The following MAPT variants were observed in gnomAD, a reference collection of about 807,000 sequenced individuals.
The protein encoded by MAPT is microtubule associated protein tau.
MAPT carries 34 observed loss-of-function variants against 67.9 expected under a neutral mutation model. The observed-to-expected ratio is 0.50, with a 90% CI of 0.38 to 0.67. MAPT has a LOEUF of 0.67. MAPT is among the 30% of genes least tolerant of loss of function. The probability of loss-of-function intolerance (pLI) is 0.00; values close to 1 mark genes in which losing one functional copy is unlikely to be tolerated. For synonymous variants in MAPT, 456 were observed against 464.5 expected (o/e 0.98, Z 0.23); for missense variants, 881 against 1,115.2 (o/e 0.79, Z 2.99).
At chr17:45,985,542 C>A in intron 5 of MAPT, 1 of 281,112 alleles carries the variant, frequency 3.6e-6, no homozygotes, top group Non-Finnish European at 5.4e-6. Context: ...GTTAAACAGG[C>A]TTTTCTGCTG....
At chr17:45,994,008 C>T (rs747160254) in intron 8 of MAPT, 2 of 1,547,054 alleles carry the variant, frequency 1.3e-6, no homozygotes, top group Non-Finnish European at 1.7e-6. Flanking sequence ...CTGGGAGCAG[C>T]CTCCCTTTGC....
At chr17:45,975,040 A>G (rs1479707800) in intron 3 of MAPT, 1 of 153,638 alleles carries the variant, frequency 6.5e-6, no homozygotes, top group African/African-American at 2.4e-5. Flanking sequence ...CCTTGTCAAC[A>G]TGGGTGATGG....
intron 6 of MAPT, among the ~76,000 whole-genome samples, chr17:45,988,436 A>C (rs2073780572): frequency 6.6e-6 from 1 of 152,100 alleles, no homozygotes; most frequent in South Asian, 2.1e-4. Flanking sequence ...CCCACCCGTC[A>C]AAATCCCCCA....
At position 45,995,652 on chromosome 17, in the gene MAPT, G is replaced by T. The variant is rs767799102; in HGVS notation, c.1733-747G>T. Among the ~76,000 whole-genome samples the T allele has an allele frequency of 6.6e-6, 1 of 152,160 alleles. No homozygotes were observed. Among genetic ancestry groups the T allele is most frequent in the African/African-American group, 2.4e-5 (1 of 41,444 alleles). On this transcript the variant is annotated intron_variant, in intron 8 of 12. Coordinates refer to ENST00000262410, the MANE Select transcript of MAPT (RefSeq NM_001377265.1). The surrounding 1 kb of genome is among the most constrained non-coding windows in gnomAD (Gnocchi z 4.3). ...CCAGCAGCTTCCAGGGTGTTGGAAG[G>T]GTGCGCTAGTAACTGCTATGCATGG...
At chr17:45,902,769 C>T (rs1004427858) in intron 1 of MAPT, among the ~76,000 whole-genome samples, 1 of 152,182 alleles carries the variant, frequency 6.6e-6, no homozygotes, top group Non-Finnish European at 1.5e-5. Context: ...AGTCTTAGAT[C>T]AATGTCCAAC....
intron 5 of MAPT, among the ~76,000 whole-genome samples, chr17:45,986,420 GA>G (rs1383996513): frequency 6.6e-6 from 1 of 152,224 alleles, no homozygotes; most frequent in Non-Finnish European, 1.5e-5. Flanking sequence ...CAGGAAGGTG[GA>G]AATCAGGACT....
At position 45,991,692 on chromosome 17, in the gene MAPT, C is replaced by T. The variant is rs553328066; in HGVS notation, c.1732+106C>T. The T allele has an allele frequency of 4.0e-6, 6 of 1,512,722 alleles. No homozygotes were observed. The South Asian group carries it at 6.8e-5, about 17-fold the overall frequency. The allele number at this position is 1,512,722 out of a possible 1,614,324, so 93.7% of individuals were successfully genotyped here. On this transcript the variant is annotated intron_variant, in intron 8 of 12. Coordinates refer to ENST00000262410, the MANE Select transcript of MAPT (RefSeq NM_001377265.1). Reference sequence around the variant, plus strand: ...ACTGAGAATGAATAACCCCTGGCAGCTGGTCAGCAGCTTGCAGTTTACTAA... The same window carrying T: ...ACTGAGAATGAATAACCCCTGGCAGTTGGTCAGCAGCTTGCAGTTTACTAA...
intron 1 of MAPT, among the ~76,000 whole-genome samples, chr17:45,954,045 A>G (rs1052426262): frequency 2.0e-5 from 3 of 152,212 alleles, no homozygotes; most frequent in Non-Finnish European, 2.9e-5. Flanking sequence ...GGAGAAGCCT[A>G]AAGAAGGAGT....
At chr17:45,958,857 G>C (rs1015833703) in intron 1 of MAPT, among the ~76,000 whole-genome samples, 1 of 152,156 alleles carries the variant, frequency 6.6e-6, no homozygotes, top group South Asian at 2.1e-4. Flanking sequence ...GAGATCAGGA[G>C]TTCTAGACCA....
intron 1 of MAPT, among the ~76,000 whole-genome samples, chr17:45,914,852 C>T (rs1467306117): frequency 6.6e-6 from 1 of 151,732 alleles, no homozygotes; most frequent in African/African-American, 2.4e-5. Flanking sequence ...TCCTGAGTAG[C>T]TGGGACTATA....
chr17:45,960,941 T>C (rs2070338640), intron 1 of MAPT, among the ~76,000 whole-genome samples: 1 of 152,240 alleles, frequency 6.6e-6, no homozygotes, highest in Non-Finnish European at 1.5e-5. Context: ...TTTTTACTTT[T>C]ACTTTCACAC....
Position 45,894,573 on chromosome 17 carries a change from A to G in MAPT, c.-131A>G. ...GCCCTCGCAGTCACCGCCACCCACC[A>G]GCTCCGGCACCAACAGCAGCGCCGC... On this transcript the variant is annotated 5_prime_UTR_variant, in exon 1 of 13. Coordinates refer to ENST00000262410, the MANE Select transcript of MAPT (RefSeq NM_001377265.1). The G allele has an allele frequency of 6.5e-6, 1 of 153,660 alleles. No individual in the cohort carries two copies. The highest frequency in any genetic ancestry group is 1.4e-5 in the Non-Finnish European group (1 of 69,154). 9.5% of individuals were successfully genotyped at this position (153,660 alleles called of 1,614,324 possible).
At chr17:45,899,249 G>A (rs920727998) in intron 1 of MAPT, among the ~76,000 whole-genome samples, 6 of 152,126 alleles carry the variant, frequency 3.9e-5, no homozygotes, top group Non-Finnish European at 7.3e-5. Flanking sequence ...GTGGGTAGAG[G>A]CCAGGAATGC....
chr17:45,956,822 C>T (rs2069780806), intron 1 of MAPT, among the ~76,000 whole-genome samples: 1 of 151,156 alleles, frequency 6.6e-6, no homozygotes, highest in Non-Finnish European at 1.5e-5. Flanking sequence ...GTTCAATTCC[C>T]ACCTACGAGT....
chr17:45,998,471 T>C (rs1078269), intron 9 of MAPT, among the ~76,000 whole-genome samples: 22,060 of 152,084 alleles, frequency 0.15, 2,138 homozygotes, highest in Non-Finnish European at 0.22. Flanking sequence ...AGACAGTGGC[T>C]CCCCTGTGGC....
At chr17:45,968,584 A>G (rs905876863) in intron 2 of MAPT, among the ~76,000 whole-genome samples, 3 of 152,216 alleles carry the variant, frequency 2.0e-5, no homozygotes, top group African/African-American at 7.2e-5. Flanking sequence ...TTGACGGGGT[A>G]TGTGACTACA....
At chr17:45,959,048 G>A (rs1261272595) in intron 1 of MAPT, among the ~76,000 whole-genome samples, 1 of 152,140 alleles carries the variant, frequency 6.6e-6, no homozygotes, top group East Asian at 1.9e-4. Context: ...GGGCTACAGA[G>A]CGAGACTCTG....
intron 1 of MAPT, among the ~76,000 whole-genome samples, 176 bp from the exon 2 acceptor site, chr17:45,962,145 C>T (rs569986892): frequency 2.0e-5 from 3 of 152,102 alleles, no homozygotes; most frequent in African/African-American, 4.8e-5. Flanking sequence ...ATGTAAATAA[C>T]GCTTGGGCAG....
intron 1 of MAPT, among the ~76,000 whole-genome samples, chr17:45,944,916 C>T (rs1416942900): frequency 6.6e-6 from 1 of 152,168 alleles, no homozygotes; most frequent in Non-Finnish European, 1.5e-5. Flanking sequence ...AACAGACTTC[C>T]CACTGTAAAG....
Sources: gnomAD v4.1 joint callset for allele counts (sites outside exome capture counted in the v4.1 genomes callset) on GRCh38, gnomAD v4.1.1 for gene constraint, Gnocchi (gnomAD v3.1) non-coding constraint, MANE v1.5 for transcripts, NCBI Gene and HGNC (gene_info 2026-07-23, HGNC 2026-07-21) for gene names.